The following ARHGAP22 variants were observed in gnomAD, a reference collection of about 807,000 sequenced individuals.
ARHGAP22 encodes the protein rho GTPase-activating protein 22.
A neutral mutation model predicts 59.1 loss-of-function variants in ARHGAP22; 48 were observed. The ratio of observed to expected loss-of-function variants is 0.81; its 90% confidence interval spans 0.64 to 1.03. ARHGAP22 has a LOEUF of 1.03. ARHGAP22 is among the 50% of genes least tolerant of loss of function. The pLI is 0.00. For synonymous variants in ARHGAP22, 445 were observed against 416.4 expected (o/e 1.07, Z -0.84); for missense variants, 1,015 against 958.7 (o/e 1.06, Z -0.78).
chr10:48,497,580 A>C (rs1311508339), intron 3 of ARHGAP22, among the ~76,000 whole-genome samples: 1 of 152,180 alleles, frequency 6.6e-6, no homozygotes. Context: ...GTGCTGCAGT[A>C]CAAGCTGAGC....
chr10:48,591,196 G>C (rs1438599822), intron 1 of ARHGAP22, among the ~76,000 whole-genome samples: 1 of 152,158 alleles, frequency 6.6e-6, no homozygotes, highest in Non-Finnish European at 1.5e-5. Context: ...CGAGCCCGCA[G>C]ACTCAAAAAG....
At chr10:48,643,130 C>T (rs1416989113) in intron 1 of ARHGAP22, among the ~76,000 whole-genome samples, 1 of 152,168 alleles carries the variant, frequency 6.6e-6, no homozygotes, top group African/African-American at 2.4e-5. Context: ...AACACTTTTA[C>T]ACTGTTGGTG....
Position 48,454,110 on chromosome 10 carries a change from T to G in ARHGAP22, c.844A>C (p.Asn282His), listed in dbSNP as rs775166551. Residue 282 changes from asparagine (N) to histidine (H), a missense_variant, in exon 7 of 10, where the codon AAC (asparagine) becomes CAC (histidine). Transcript: ENST00000249601. ...TACTTGCAGATGTATCTGAGCAGGT[T>G]GTAATTTGCCTGAGGAAGGTTGCTC... is the stretch of plus-strand genomic sequence containing the variant. ...QVSNLPQANY[N>H]LLRYICKFLD... The G allele has an allele frequency of 1.1e-5, 17 of 1,613,886 alleles. No individual in the cohort carries two copies. The Admixed American group carries it at 1.7e-4, about 16-fold the overall frequency.
intron 3 of ARHGAP22, among the ~76,000 whole-genome samples, chr10:48,492,386 T>C (rs4838606): frequency 0.37 from 55,813 of 152,096 alleles, 11,266 homozygotes; most frequent in East Asian, 0.9. Flanking sequence ...CCCTAGCAGC[T>C]GGGTGTCAGG....
chr10:48,593,367 T>C (rs73302224), intron 1 of ARHGAP22, among the ~76,000 whole-genome samples: 23,440 of 152,208 alleles, frequency 0.15, 4,782 homozygotes, highest in African/African-American at 0.47. Flanking sequence ...GATATATTCT[T>C]AGACCCCCAG....
intron 1 of ARHGAP22, among the ~76,000 whole-genome samples, chr10:48,602,210 A>G (rs2060425659): frequency 1.3e-5 from 2 of 152,136 alleles, no homozygotes; most frequent in African/African-American, 4.8e-5. Flanking sequence ...CATCATATTA[A>G]TAGAGCTTTC....
intron 1 of ARHGAP22, 110 bp from the exon 2 acceptor site, chr10:48,583,262 C>A: frequency 7.6e-7 from 1 of 1,315,232 alleles, no homozygotes; most frequent in Non-Finnish European, 1.0e-6. Context: ...GGAGCCCAGG[C>A]CAGCAGGATG....
chr10:48,432,005 C>T, the ARHGAP22 span, among the ~76,000 whole-genome samples: 1 of 152,114 alleles, frequency 6.6e-6, no homozygotes, highest in Non-Finnish European at 1.5e-5. Flanking sequence ...ACATAAGATT[C>T]CAAATCTATT....
At chr10:48,594,838 T>TG (rs979515339) in intron 1 of ARHGAP22, among the ~76,000 whole-genome samples, 2 of 152,130 alleles carry the variant, frequency 1.3e-5, no homozygotes, top group African/African-American at 4.8e-5. Flanking sequence ...CTGTTACATC[T>TG]GAAAGGGTAA....
At chr10:48,522,879 C>G (rs2053936466) in intron 3 of ARHGAP22, among the ~76,000 whole-genome samples, 1 of 152,230 alleles carries the variant, frequency 6.6e-6, no homozygotes, top group Non-Finnish European at 1.5e-5. Context: ...GATCATACCT[C>G]ATAGCCAGAT....
chr10:48,450,073 C>A (rs143928304), intron 9 of ARHGAP22, among the ~76,000 whole-genome samples, 188 bp downstream of exon 9: 2 of 149,014 alleles, frequency 1.3e-5, no homozygotes, highest in Non-Finnish European at 2.9e-5. Flanking sequence ...AGACTGACTG[C>A]GTGCCAGACT....
At chr10:48,648,646 G>C (rs1565058290) in intron 1 of ARHGAP22, among the ~76,000 whole-genome samples, 1 of 152,242 alleles carries the variant, frequency 6.6e-6, no homozygotes, top group African/African-American at 2.4e-5. Context: ...TTGGGTAAAA[G>C]TCTGAAAGAG....
chr10:48,649,373 G>T (rs919217193), intron 1 of ARHGAP22, among the ~76,000 whole-genome samples: 1 of 152,190 alleles, frequency 6.6e-6, no homozygotes, highest in Non-Finnish European at 1.5e-5. Context: ...AGAGGGTTTC[G>T]AAGGAGCCTC....
chr10:48,626,068 A>T (rs191771778), intron 1 of ARHGAP22, among the ~76,000 whole-genome samples: 1 of 152,156 alleles, frequency 6.6e-6, no homozygotes, highest in Non-Finnish European at 1.5e-5. Flanking sequence ...AGTCTCCATG[A>T]GAGACATGTG....
chr10:48,567,519 G>A (rs1400073779), intron 2 of ARHGAP22, among the ~76,000 whole-genome samples: 1 of 152,188 alleles, frequency 6.6e-6, no homozygotes, highest in African/African-American at 2.4e-5. Flanking sequence ...TGTTTAGCTT[G>A]CCCTGGGAGA....
chr10:48,483,124 G>A lies in ARHGAP22; in HGVS notation c.323-3360C>T, dbSNP rs560235410. Among the ~76,000 whole-genome samples, 70 of 152,098 alleles carry A rather than the reference G, an allele frequency of 4.6e-4. 1 individual carries two copies. The Middle Eastern group carries it at 0.01, about 22-fold the overall frequency. On this transcript the variant is annotated intron_variant, in intron 3 of 9. Coordinates refer to ENST00000249601, the MANE Select transcript of ARHGAP22 (RefSeq NM_021226.4). ...ACGATTTCATTCCTTTTCTATGGCC[G>A]AATAGTATAACATTTTGTATATATA...
chr10:48,514,362 C>T (rs946084922), intron 3 of ARHGAP22, among the ~76,000 whole-genome samples: 2 of 152,050 alleles, frequency 1.3e-5, no homozygotes, highest in Non-Finnish European at 2.9e-5. Context: ...AGAGAAAATA[C>T]AAGAGATTCT....
At chr10:48,436,455 T>C in the ARHGAP22 span, 1 of 152,200 alleles carries the variant, frequency 6.6e-6, no homozygotes, top group African/African-American at 2.4e-5. Flanking sequence ...TTGTCTGTAA[T>C]AGACCCAGGC....
intron 5 of ARHGAP22, among the ~76,000 whole-genome samples, chr10:48,458,911 C>T (rs1023526090): frequency 2.0e-5 from 3 of 152,160 alleles, no homozygotes; most frequent in Non-Finnish European, 4.4e-5. Flanking sequence ...TGGGAAAGAG[C>T]TGAGGGGCTG....
Sources: gnomAD v4.1 joint callset for allele counts (sites outside exome capture counted in the v4.1 genomes callset) on GRCh38, gnomAD v4.1.1 for gene constraint, MANE v1.5 for transcripts, NCBI Gene and HGNC (gene_info 2026-07-23, HGNC 2026-07-21) for gene names.